MILR1: variants seen among roughly 807,000 people sequenced by gnomAD.
The protein encoded by MILR1 is allergin-1.
A neutral mutation model predicts 18.5 loss-of-function variants in MILR1; 31 were observed. The observed-to-expected ratio is 1.68, with a 90% CI of 1.26 to 2.26. MILR1 has a LOEUF of 2.26. Ranked by LOEUF, MILR1 falls within the 30% of genes most tolerant of loss-of-function variation. MILR1 has a pLI of 0.00. For missense variants in MILR1, 257 were observed against 157.4 expected, an observed-to-expected ratio of 1.63 and a Z score of -3.38; for synonymous variants, 85 against 56.2, an observed-to-expected ratio of 1.51 and a Z score of -2.30.
At chr17:64,482,377 A>G in the MILR1 span, among the ~76,000 whole-genome samples, 1 of 148,950 alleles carries the variant, frequency 6.7e-6, no homozygotes, top group Non-Finnish European at 1.5e-5. Context: ...GCTGGAGTGC[A>G]GTGGTGCTAT....
chr17:64,468,707 T>C, downstream of MILR1: 3 of 923,722 alleles, frequency 3.2e-6, no homozygotes, highest in Non-Finnish European at 4.0e-6. Flanking sequence ...CTCCATGATC[T>C]TTTCCACTGG....
intron 3 of MILR1, among the ~76,000 whole-genome samples, chr17:64,453,536 CT>C (rs35572128): frequency 0.011 from 1,063 of 100,906 alleles, 2 homozygotes; most frequent in African/African-American, 0.032. Context: ...GCAAAAATCG[CT>C]TTTTTTTTTT....
intron 5 of MILR1, among the ~76,000 whole-genome samples, chr17:64,465,179 A>G (rs1598102675): frequency 6.6e-6 from 1 of 152,344 alleles, no homozygotes; most frequent in East Asian, 1.9e-4. Flanking sequence ...CGAAGGAAAG[A>G]AAATAAGTCT....
chr17:64,482,096 CTTTTTTTTTTTT>C, the MILR1 span, among the ~76,000 whole-genome samples: 2 of 116,048 alleles, frequency 1.7e-5, no homozygotes, highest in African/African-American at 3.3e-5. Flanking sequence ...TTAATTAAAG[CTTTTTTTTTTTT>C]TTTTTTTTTT....
Position 64,457,556 on chromosome 17 carries a change from ACAGGGAGC to A in MILR1, c.526_533del (p.Arg176CysfsTer2). 1 of 475,404 alleles carries A rather than the reference ACAGGGAGC, an allele frequency of 2.1e-6. No individual in the cohort carries two copies. The highest frequency in any genetic ancestry group is 3.9e-6 in the Non-Finnish European group (1 of 259,082). 29.4% of individuals were successfully genotyped at this position (475,404 alleles called of 1,614,324 possible). A position where few individuals can be genotyped will look rare whatever the true frequency, so the allele number is the denominator to read the frequency against. On this transcript the variant is annotated frameshift_variant, in exon 4 of 10. Coordinates refer to ENST00000619286, the MANE Select transcript of MILR1 (RefSeq NM_001085423.2). LOFTEE classifies it high-confidence loss of function. ...ATATCACCAGCTATTTCCAAGTATG[ACAGGGAGC>A]CTGCTGAATTTAACTTAACCAAGAA...
At chr17:64,464,154 C>T (rs2037496270) in intron 5 of MILR1, among the ~76,000 whole-genome samples, 1 of 134,684 alleles carries the variant, frequency 7.4e-6, no homozygotes, top group African/African-American at 2.8e-5. Flanking sequence ...CAGGATCTCA[C>T]TTCCATCACC....
At chr17:64,450,352 T>C (rs2143992409) in intron 2 of MILR1, among the ~76,000 whole-genome samples, 1 of 152,326 alleles carries the variant, frequency 6.6e-6, no homozygotes, top group South Asian at 2.1e-4. Context: ...CATCCGTAAG[T>C]GATAGCCAAG....
the MILR1 span, among the ~76,000 whole-genome samples, chr17:64,493,461 T>C: frequency 6.6e-6 from 1 of 152,062 alleles, no homozygotes; most frequent in African/African-American, 2.4e-5. Flanking sequence ...TTCTAGGTAG[T>C]TTCACCCTGA....
At chr17:64,486,506 C>A in the MILR1 span, among the ~76,000 whole-genome samples, 1 of 152,006 alleles carries the variant, frequency 6.6e-6, no homozygotes, top group South Asian at 2.1e-4. Context: ...GGACTACAGG[C>A]ACACACCACC....
chr17:64,452,082 G>GTTTTTTT (rs34558703), intron 2 of MILR1, among the ~76,000 whole-genome samples: 2 of 137,192 alleles, frequency 1.5e-5, no homozygotes, highest in Non-Finnish European at 3.1e-5. Flanking sequence ...TCCCAGCTAT[G>GTTTTTTT]TTTTTTTTTT....
the MILR1 span, among the ~76,000 whole-genome samples, chr17:64,488,775 C>T: frequency 2.0e-5 from 3 of 152,040 alleles, no homozygotes; most frequent in African/African-American, 7.2e-5. Flanking sequence ...AAATTCCAGC[C>T]TGGTCAATAT....
the MILR1 span, chr17:64,487,546 G>A: frequency 6.6e-6 from 1 of 151,410 alleles, no homozygotes. Flanking sequence ...CCCAGGAGGT[G>A]GAGGCTGCAG....
chr17:64,459,992 T>TTTTATTTATTTATTTA (rs202053813), intron 4 of MILR1, among the ~76,000 whole-genome samples: 2 of 125,364 alleles, frequency 1.6e-5, no homozygotes, highest in South Asian at 2.6e-4. Context: ...TTTTATTTTA[T>TTTTATTTATTTATTTA]TTTATTTATT....
At chr17:64,485,728 C>T in the MILR1 span, 2 of 1,611,842 alleles carry the variant, frequency 1.2e-6, no homozygotes, top group Non-Finnish European at 8.5e-7. Flanking sequence ...TCAACAGCAC[C>T]TTTCTATGAA....
chr17:64,482,864 T>A, the MILR1 span: 4 of 1,038,762 alleles, frequency 3.9e-6, no homozygotes, highest in South Asian at 5.1e-5. Context: ...TCCAAAGCGT[T>A]TTTGGATAAT....
At chr17:64,494,128 A>G in the MILR1 span, among the ~76,000 whole-genome samples, 2 of 152,176 alleles carry the variant, frequency 1.3e-5, no homozygotes, top group African/African-American at 2.4e-5. Flanking sequence ...TGAATCTAGA[A>G]CATTTCCCTT....
chr17:64,450,033 G>A (rs1182480443), intron 2 of MILR1, among the ~76,000 whole-genome samples: 1 of 151,670 alleles, frequency 6.6e-6, no homozygotes, highest in Non-Finnish European at 1.5e-5. Context: ...CTGCCTCCCA[G>A]GTTCAAGTGA....
At chr17:64,496,660 G>C in the MILR1 span, 1 of 1,613,940 alleles carries the variant, frequency 6.2e-7, no homozygotes, top group South Asian at 1.1e-5. Context: ...GCAACTCTAC[G>C]CCCAAGGGTC....
chr17:64,474,930 A>G, the MILR1 span, among the ~76,000 whole-genome samples: 1 of 152,162 alleles, frequency 6.6e-6, no homozygotes, highest in Non-Finnish European at 1.5e-5. Context: ...ACAGTGGCTC[A>G]CACTTGTAAT....
Sources: gnomAD v4.1 joint callset for allele counts (sites outside exome capture counted in the v4.1 genomes callset) on GRCh38, gnomAD v4.1.1 for gene constraint, MANE v1.5 for transcripts, NCBI Gene and HGNC (gene_info 2026-07-23, HGNC 2026-07-21) for gene names.